Variants in TG observed in about 807,000 individuals in gnomAD.
TG encodes thyroglobulin, also known as thyroid hormones.
TG carries 270 observed loss-of-function variants against 324.7 expected under a neutral mutation model. The observed-to-expected ratio is 0.83, with a 90% CI of 0.75 to 0.92. TG has a LOEUF of 0.92. Among genes scored for constraint, TG ranks in the 40% least tolerant of loss-of-function variants. TG has a pLI of 0.00. For synonymous variants in TG, 1,401 were observed against 1,327.0 expected (o/e 1.06, Z -1.21); for missense variants, 3,591 against 3,456.4 (o/e 1.04, Z -0.98).
At chr8:132,965,216 G>A (rs1179056368) in intron 29 of TG, among the ~76,000 whole-genome samples, 1 of 152,188 alleles carries the variant, frequency 6.6e-6, no homozygotes, top group Non-Finnish European at 1.5e-5. Context: ...TGAGGAAACA[G>A]GCTTGGGAAC....
intron 26 of TG, among the ~76,000 whole-genome samples, chr8:132,944,004 G>A (rs1332909902): frequency 2.6e-5 from 4 of 152,108 alleles, no homozygotes; most frequent in Admixed American, 1.3e-4. Flanking sequence ...TGCAGAGGTC[G>A]ACATCCATAC....
chr8:133,086,565 C>A (rs897361223), intron 41 of TG, among the ~76,000 whole-genome samples: 9 of 151,966 alleles, frequency 5.9e-5, no homozygotes, highest in Admixed American at 2.6e-4. Context: ...AAAAACTATA[C>A]CTTTTGACTC....
chr8:132,868,020 T>C, intron 1 of TG, 95 bp from the exon 2 acceptor site: 2 of 1,113,484 alleles, frequency 1.8e-6, no homozygotes, highest in East Asian at 4.7e-5. Context: ...GTAATGATGA[T>C]GACCCTGGAA....
intron 45 of TG, 50 bp from the exon 46 acceptor site, chr8:133,131,762 A>C: frequency 6.2e-7 from 1 of 1,609,156 alleles, no homozygotes; most frequent in Non-Finnish European, 8.5e-7. Flanking sequence ...GTTTTTGAGT[A>C]GTTTACTTTC....
intron 38 of TG, 32 bp from the exon 39 acceptor site, chr8:133,019,570 T>A: frequency 3.8e-6 from 6 of 1,599,078 alleles, no homozygotes; most frequent in Non-Finnish European, 5.1e-6. Flanking sequence ...TGATGGAGCA[T>A]GTCTTGGAAG....
At chr8:133,122,676 G>A (rs934247107) in intron 45 of TG, among the ~76,000 whole-genome samples, 1 of 152,192 alleles carries the variant, frequency 6.6e-6, no homozygotes, top group Non-Finnish European at 1.5e-5. Flanking sequence ...GGGTTTGGGG[G>A]ACACTGCCTG....
Position 132,974,616 on chromosome 8 carries a change from A to C in TG, c.6199+1875A>C, listed in dbSNP as rs180691541. 1.3e-4 allele frequency among the ~76,000 whole-genome samples: 20 copies of C among 152,324 alleles called. No homozygotes were observed. The East Asian group carries it at 3.3e-3, about 25-fold the overall frequency. ...TCCTGGCAGGTCTTTCACATCCCAA[A>C]AATGACTAGACAGGAAAATGTCTAG... On this transcript the variant is annotated intron_variant, in intron 34 of 47. Coordinates refer to ENST00000220616, the MANE Select transcript of TG (RefSeq NM_003235.5).
intron 41 of TG, chr8:133,049,374 G>A (rs1840014184): frequency 3.2e-6 from 1 of 314,610 alleles, no homozygotes; most frequent in Non-Finnish European, 6.4e-6. Flanking sequence ...GTAATGCCTG[G>A]CATTGCTCCA....
rs764227297 is a variant in TG at position 132,963,012 on chromosome 8, G to A, written c.5486G>A (p.Arg1829Gln). Residue 1829 changes from arginine (R) to glutamine (Q), a missense_variant, in exon 29 of 48, where the codon CGG becomes CAG. By Grantham distance (43) the Arg-to-Gln change is conservative. Transcript: ENST00000220616. ...CTCCTAGATTCTGACATGGGGTCTC[G>A]GCCTGAGTCTATGGGATGTAGAAAA... ...YLWKDSDMGSRPESMGCRKDT... is the reference protein window; with the variant it reads ...YLWKDSDMGSQPESMGCRKDT... 1.4e-5 allele frequency: 22 copies of A among 1,613,682 alleles called. No individual in the cohort carries two copies. The highest frequency in any genetic ancestry group is 6.7e-5 in the African/African-American group (5 of 74,838).
At chr8:132,901,865 C>T (rs944269229) in intron 16 of TG, among the ~76,000 whole-genome samples, 18 of 152,090 alleles carry the variant, frequency 1.2e-4, no homozygotes, top group Non-Finnish European at 2.6e-4. Context: ...GGGAGAAGGA[C>T]CGTGGTTGCA....
Position 133,055,956 on chromosome 8 carries a change from T to C in TG, c.7239+25933T>C, listed in dbSNP as rs528579054. ...GAAGTCCTCACGCCTCCCTGTGAGG[T>C]TGATAGATTGAAACTACCTTATTTT... On this transcript the variant is annotated intron_variant, in intron 41 of 47. Transcript: ENST00000220616. 4.6e-5 allele frequency among the ~76,000 whole-genome samples: 7 copies of C among 152,086 alleles called. No individual in the cohort carries two copies. In the East Asian group the frequency reaches 1.2e-3, roughly 25 times the overall value.
At chr8:132,986,148 T>C (rs1035467412) in intron 35 of TG, among the ~76,000 whole-genome samples, 1 of 152,112 alleles carries the variant, frequency 6.6e-6, no homozygotes, top group Non-Finnish European at 1.5e-5. Context: ...AGCAGAAATA[T>C]AGAAAGAAAA....
At chr8:132,963,257 A>G (rs1828032352) in intron 29 of TG, among the ~76,000 whole-genome samples, 183 bp downstream of exon 29, 1 of 152,234 alleles carries the variant, frequency 6.6e-6, no homozygotes, top group Non-Finnish European at 1.5e-5. Flanking sequence ...TCAGATGGGC[A>G]ATTGTCACAG....
intron 41 of TG, chr8:133,038,838 A>T: frequency 1.4e-6 from 1 of 694,154 alleles, no homozygotes; most frequent in South Asian, 1.8e-5. Context: ...AGGAAAAGAA[A>T]AACAAAAATC....
intron 43 of TG, chr8:133,102,933 G>C (rs1849448648): frequency 3.7e-6 from 1 of 267,572 alleles, no homozygotes; most frequent in South Asian, 4.0e-5. Flanking sequence ...CAGCCCATGT[G>C]GGAGTTGGAA....
At chr8:133,118,567 G>T (rs1244394954) in intron 45 of TG, among the ~76,000 whole-genome samples, 1 of 151,980 alleles carries the variant, frequency 6.6e-6, no homozygotes. Flanking sequence ...TCAAGTGATC[G>T]ATCTGCCTCG....
At chr8:132,977,580 G>T (rs1055799455) in intron 34 of TG, among the ~76,000 whole-genome samples, 3 of 152,120 alleles carry the variant, frequency 2.0e-5, no homozygotes, top group African/African-American at 7.2e-5. Context: ...CAATCGTGAC[G>T]GAAGGCAAGC....
At chr8:132,988,959 A>G in intron 35 of TG, 1 of 944,652 alleles carries the variant, frequency 1.1e-6, no homozygotes, top group Non-Finnish European at 1.3e-6. Flanking sequence ...CAATTTGCAG[A>G]AGAAAGAGGT....
chr8:132,885,135 G>GC (rs1403741146), intron 8 of TG, among the ~76,000 whole-genome samples: 4 of 150,742 alleles, frequency 2.7e-5, no homozygotes, highest in Non-Finnish European at 4.4e-5. Flanking sequence ...AAGTTGGGGG[G>GC]GGGGCGTGGT....
Sources: gnomAD v4.1 joint callset for allele counts (sites outside exome capture counted in the v4.1 genomes callset) on GRCh38, gnomAD v4.1.1 for gene constraint, MANE v1.5 for transcripts, NCBI Gene and HGNC (gene_info 2026-07-23, HGNC 2026-07-21) for gene names.